The following PDSS2 variants were observed in gnomAD, a reference collection of about 807,000 sequenced individuals.
PDSS2 encodes the protein all trans-polyprenyl-diphosphate synthase PDSS2.
In PDSS2, 31 loss-of-function variants were observed where a neutral mutation model predicts 44.5. The observed-to-expected ratio is 0.70, with a 90% CI of 0.52 to 0.94. The LOEUF is 0.94. Ranked by LOEUF, PDSS2 falls within the 40% of genes least tolerant of loss-of-function variation. The pLI is 0.00. For synonymous variants in PDSS2, 157 were observed against 180.3 expected (o/e 0.87, Z 1.03); for missense variants, 452 against 482.2 (o/e 0.94, Z 0.59).
At chr6:107,364,087 A>G (rs539549860) in intron 1 of PDSS2, among the ~76,000 whole-genome samples, 2 of 152,326 alleles carry the variant, frequency 1.3e-5, no homozygotes, top group Non-Finnish European at 2.9e-5. Context: ...ACCTTGAGCT[A>G]AACACAGGGT....
At chr6:107,339,064 T>C (rs896900751) in intron 1 of PDSS2, among the ~76,000 whole-genome samples, 4 of 152,052 alleles carry the variant, frequency 2.6e-5, no homozygotes, top group African/African-American at 4.8e-5. Context: ...GGACACAAAC[T>C]ATAGCAGGCC....
At chr6:107,313,948 C>A (rs992219693) in intron 2 of PDSS2, among the ~76,000 whole-genome samples, 1 of 151,908 alleles carries the variant, frequency 6.6e-6, no homozygotes, top group Non-Finnish European at 1.5e-5. Context: ...GACAGGCGTT[C>A]AAGACCAGCC....
chr6:107,425,608 C>T (rs319100), intron 1 of PDSS2, among the ~76,000 whole-genome samples: 1 of 152,036 alleles, frequency 6.6e-6, no homozygotes, highest in African/African-American at 2.4e-5. Flanking sequence ...TGCTGTTAAA[C>T]GGATTCAGTT....
In PDSS2 at chr6:107,166,361, G is replaced by GTT. The variant is rs34385593; in HGVS notation, c.1042-11586_1042-11585dup. Among the ~76,000 whole-genome samples the GTT allele has an allele frequency of 5.6e-3, 562 of 100,926 alleles. 13 individuals are homozygous for GTT. Among genetic ancestry groups the GTT allele is most frequent in the African/African-American group, 0.019 (502 of 25,982 alleles). The allele number at this position is 100,926 out of a possible 152,430, so 66.2% of individuals were successfully genotyped here. ...CCCATCAATACCTAATTTATTGAGA[G>GTT]TTTTTTTTTTTTTTTTTTTTTGAGA... On this transcript the variant is annotated intron_variant, in intron 7 of 7. Transcript: ENST00000369037.
intron 1 of PDSS2, among the ~76,000 whole-genome samples, chr6:107,357,091 G>A (rs1778616793): frequency 1.3e-5 from 2 of 152,146 alleles, no homozygotes; most frequent in South Asian, 4.1e-4. Flanking sequence ...TTCTAGAGAT[G>A]ACAGAAAACG....
At chr6:107,334,354 A>G (rs1275715096) in intron 1 of PDSS2, 22 bp from the exon 2 acceptor site, 5 of 1,611,300 alleles carry the variant, frequency 3.1e-6, no homozygotes, top group Middle Eastern at 3.3e-4. Context: ...CAAAGAAGGA[A>G]GAGGATTAAT....
At chr6:107,349,771 CAAACA>C (rs1322228346) in intron 1 of PDSS2, among the ~76,000 whole-genome samples, 3 of 151,930 alleles carry the variant, frequency 2.0e-5, no homozygotes, top group South Asian at 2.1e-4. Context: ...AACAAACAAA[CAAACA>C]AAAGAACATT....
chr6:107,444,294 G>A lies in PDSS2; in HGVS notation c.296+14696C>T, dbSNP rs1475412198. On this transcript the variant is annotated intron_variant, in intron 1 of 7. Transcript: ENST00000369037. ...AATCCTTTCACCTTAGCCTCCCAAA[G>A]TGCTGGGATTACAGGTTTGAGCCAC... Among the ~76,000 whole-genome samples, 3 of 152,122 alleles carry A rather than the reference G, an allele frequency of 2.0e-5. No individual in the cohort carries two copies. In the East Asian group the frequency reaches 5.8e-4, roughly 29 times the overall value.
intron 2 of PDSS2, among the ~76,000 whole-genome samples, chr6:107,311,195 C>CTTTTT (rs35780982): frequency 1.6e-5 from 2 of 128,316 alleles, no homozygotes; most frequent in South Asian, 2.6e-4. Context: ...CCACAACCAG[C>CTTTTT]TTTTTTTTTT....
intron 4 of PDSS2, among the ~76,000 whole-genome samples, chr6:107,229,197 A>G (rs572865735): frequency 2.6e-5 from 4 of 151,950 alleles, no homozygotes; most frequent in Admixed American, 2.6e-4. Context: ...GTTTGTTTTT[A>G]GTTTTTTGAG....
intron 2 of PDSS2, among the ~76,000 whole-genome samples, chr6:107,296,850 G>A (rs1339547954): frequency 3.3e-5 from 5 of 152,104 alleles, no homozygotes; most frequent in African/African-American, 4.8e-5. Flanking sequence ...CATTGTTATT[G>A]AAGAATGCCT....
chr6:107,448,575 T>G (rs1781764729), intron 1 of PDSS2, among the ~76,000 whole-genome samples: 1 of 152,196 alleles, frequency 6.6e-6, no homozygotes, highest in South Asian at 2.1e-4. Flanking sequence ...TCAAAGCCAT[T>G]CAACAAGTCT....
At chr6:107,318,666 G>A (rs1378940237) in intron 2 of PDSS2, among the ~76,000 whole-genome samples, 1 of 152,062 alleles carries the variant, frequency 6.6e-6, no homozygotes, top group African/African-American at 2.4e-5. Flanking sequence ...TGAGTTGCAG[G>A]TGCACAAAAA....
At chr6:107,272,038 C>G (rs932181842) in intron 3 of PDSS2, among the ~76,000 whole-genome samples, 1 of 144,844 alleles carries the variant, frequency 6.9e-6, no homozygotes, top group Non-Finnish European at 1.5e-5. Flanking sequence ...GCCTAGGTTA[C>G]AGAGTAAGAC....
intron 1 of PDSS2, among the ~76,000 whole-genome samples, chr6:107,444,946 GTATT>G (rs1781622615): frequency 6.6e-6 from 1 of 152,064 alleles, no homozygotes; most frequent in Non-Finnish European, 1.5e-5. Context: ...AGCAAAAGGA[GTATT>G]TAAACAAAAA....
chr6:107,256,304 G>T (rs1185107245), intron 3 of PDSS2, among the ~76,000 whole-genome samples: 1 of 152,042 alleles, frequency 6.6e-6, no homozygotes, highest in Admixed American at 6.6e-5. Flanking sequence ...TGCTTAGCTT[G>T]GATCCTGTTA....
At chr6:107,432,188 T>G (rs1340225955) in intron 1 of PDSS2, among the ~76,000 whole-genome samples, 3 of 152,178 alleles carry the variant, frequency 2.0e-5, no homozygotes, top group Non-Finnish European at 2.9e-5. Flanking sequence ...AATTTTTCAC[T>G]GGGTAATCAA....
intron 6 of PDSS2, among the ~76,000 whole-genome samples, chr6:107,201,390 C>CAAAAAAAAAAAAAAAAAAAAA (rs747612959): frequency 1.9e-5 from 1 of 52,150 alleles, no homozygotes; most frequent in African/African-American, 9.8e-5. Context: ...CATACAAAAG[C>CAAAAAAAAAAAAAAAAAAAAA]AAAAAAAAAA....
At chr6:107,259,579 G>A (rs932387476) in intron 3 of PDSS2, among the ~76,000 whole-genome samples, 2 of 151,972 alleles carry the variant, frequency 1.3e-5, no homozygotes, top group African/African-American at 4.8e-5. Context: ...GGAGGCTGAG[G>A]CAGAAGAATC....
Sources: allele counts gnomAD v4.1 joint callset (sites outside exome capture counted in the v4.1 genomes callset), GRCh38; gene constraint gnomAD v4.1.1; transcripts MANE v1.5; gene names NCBI Gene and HGNC (gene_info 2026-07-23, HGNC 2026-07-21).